SNRPN: variants seen among roughly 807,000 people sequenced by gnomAD.
The protein encoded by SNRPN is small nuclear ribonucleoprotein polypeptide N.
A neutral mutation model predicts 25.2 loss-of-function variants in SNRPN; 7 were observed. That is an observed-to-expected ratio of 0.28 (90% CI 0.16 to 0.52). The LOEUF is 0.52. Ranked by LOEUF, SNRPN falls within the 20% of genes least tolerant of loss-of-function variation. The pLI is 0.96. For missense variants in SNRPN, 196 were observed against 322.5 expected (o/e 0.61, Z 3.00); for synonymous variants, 124 against 110.6 (o/e 1.12, Z -0.76).
intron 2 of SNRPN, among the ~76,000 whole-genome samples, chr15:24,842,939 A>G (rs145546227): frequency 1.3e-5 from 2 of 152,348 alleles, no homozygotes; most frequent in African/African-American, 4.8e-5. Flanking sequence ...ACAGAATGTC[A>G]TATAAATGAA....
At chr15:24,899,877 C>A (rs77146313) in intron 2 of SNRPN, among the ~76,000 whole-genome samples, 2,508 of 152,284 alleles carry the variant, frequency 0.016, 37 homozygotes, top group South Asian at 0.08. Context: ...CCTGATTGGA[C>A]CCTCACTGAA....
chr15:24,833,087 A>G, intron 2 of SNRPN, among the ~76,000 whole-genome samples: 1 of 132,540 alleles, frequency 7.5e-6, no homozygotes, highest in South Asian at 2.7e-4. Flanking sequence ...CCTGGGCGAC[A>G]GAGCGAGACT....
chr15:24,969,437 G>A (rs550997680), intron 3 of SNRPN, among the ~76,000 whole-genome samples: 21 of 152,200 alleles, frequency 1.4e-4, no homozygotes. Flanking sequence ...CCCATTTTGA[G>A]TTTAAATCAA....
upstream of SNRPN, among the ~76,000 whole-genome samples, chr15:24,856,279 G>A (rs1192393619): frequency 6.6e-6 from 1 of 152,036 alleles, no homozygotes; most frequent in East Asian, 1.9e-4. Context: ...TGACACTTAG[G>A]TCTTTAATGT....
intron 1 of SNRPN, among the ~76,000 whole-genome samples, chr15:24,857,794 G>C (rs558201867): frequency 1.3e-5 from 2 of 152,262 alleles, no homozygotes; most frequent in East Asian, 1.9e-4. Context: ...AATTCACCCA[G>C]AGCCGGCTGT....
At chr15:24,963,599 A>C (rs1431418975) in intron 2 of SNRPN, among the ~76,000 whole-genome samples, 1 of 151,350 alleles carries the variant, frequency 6.6e-6, no homozygotes, top group East Asian at 1.9e-4. Context: ...TGGGTGACAG[A>C]GCAAGACTCC....
chr15:24,891,292 TTAAAA>T (rs1178098769), intron 2 of SNRPN, among the ~76,000 whole-genome samples: 1 of 152,174 alleles, frequency 6.6e-6, no homozygotes, highest in Non-Finnish European at 1.5e-5. Context: ...TTATGTGAAC[TTAAAA>T]TAATATTCGG....
chr15:24,852,115 T>A (rs2052908434), upstream of SNRPN: 1 of 152,234 alleles, frequency 6.6e-6, no homozygotes, highest in Non-Finnish European at 1.5e-5. Context: ...TTATGAAGAT[T>A]AGTGTCTCCT....
At chr15:24,910,207 G>A (rs779558739) in intron 2 of SNRPN, among the ~76,000 whole-genome samples, 3 of 152,190 alleles carry the variant, frequency 2.0e-5, no homozygotes, top group Non-Finnish European at 4.4e-5. Context: ...TAAGAGCGAT[G>A]AACTAGGACA....
At position 24,944,639 on chromosome 15, in the gene SNRPN, C is replaced by A. The variant is rs564768192; in HGVS notation, c.-390-17475C>A. Among the ~76,000 whole-genome samples, 201 of 152,310 alleles carry A rather than the reference C, an allele frequency of 1.3e-3. 1 individual carries two copies. Among genetic ancestry groups the A allele is most frequent in the African/African-American group, 4.6e-3 (193 of 41,564 alleles). ...CCAATTTCAGAAACCAACCCCAGAA[C>A]TAATTCAGAAAATTTATTCTTAAGA... On this transcript the variant is annotated intron_variant, in intron 3 of 11. Transcript: ENST00000400097.
At chr15:24,880,899 A>G (rs1334560247) in intron 1 of SNRPN, among the ~76,000 whole-genome samples, 2 of 151,998 alleles carry the variant, frequency 1.3e-5, no homozygotes. Flanking sequence ...CTGGTCTCGA[A>G]CTTCTGGGCT....
intron 1 of SNRPN, among the ~76,000 whole-genome samples, chr15:24,870,489 C>T (rs759243567): frequency 4.6e-5 from 7 of 152,186 alleles, no homozygotes; most frequent in Non-Finnish European, 8.8e-5. Flanking sequence ...CCCATTCCCA[C>T]TACTTGGTTG....
At chr15:24,963,334 A>G (rs2075131314) in intron 2 of SNRPN, among the ~76,000 whole-genome samples, 1 of 152,222 alleles carries the variant, frequency 6.6e-6, no homozygotes, top group Non-Finnish European at 1.5e-5. Context: ...AACGCAGTGT[A>G]GGCCAGGCAT....
intron 2 of SNRPN, among the ~76,000 whole-genome samples, chr15:24,845,364 A>C (rs181112199): frequency 6.6e-6 from 1 of 152,288 alleles, no homozygotes; most frequent in Admixed American, 6.5e-5. Context: ...TTGGGAGGCC[A>C]AGGCAGGCAG....
rs35146696 is a variant in SNRPN, at chr15:24,967,808, G to GAA, written c.-294-105_-294-104dup. ...GGGCAACAGAATGAGACCCTGTCTG[G>GAA]AAAAAAAAAAAAAAAAAAAAGGAAT... On this transcript the variant is annotated intron_variant, in intron 2 of 9. Transcript: ENST00000390687. 7.9e-3 allele frequency: 3,828 copies of GAA among 487,464 alleles called. 1 individual carries two copies. Among genetic ancestry groups the GAA allele is most frequent in the South Asian group, 9.2e-3 (446 of 48,450 alleles). The allele number at this position is 487,464 out of a possible 1,614,324, so 30.2% of individuals were successfully genotyped here.
At chr15:24,943,853 G>T (rs186766816) in intron 3 of SNRPN, among the ~76,000 whole-genome samples, 37 of 151,606 alleles carry the variant, frequency 2.4e-4, no homozygotes, top group Non-Finnish European at 4.3e-4. Flanking sequence ...ACAGGGTCTC[G>T]CCCTGTTTCC....
chr15:24,922,181 C>T (rs2060069033), intron 3 of SNRPN, among the ~76,000 whole-genome samples: 1 of 152,082 alleles, frequency 6.6e-6, no homozygotes, highest in Non-Finnish European at 1.5e-5. Flanking sequence ...CCATTGCACT[C>T]TAGCATGGGC....
rs1566921436 is a variant in SNRPN at position 24,927,475 on chromosome 15, A to AT, written c.-391+7351_-391+7352insT. Among the ~76,000 whole-genome samples, 308 of 113,294 alleles carry AT rather than the reference A, an allele frequency of 2.7e-3. 46 individuals are homozygous for AT. Among genetic ancestry groups the AT allele is most frequent in the Middle Eastern group, 5.0e-3 (1 of 202 alleles). The allele number at this position is 113,294 out of a possible 152,430, so 74.3% of individuals were successfully genotyped here. On this transcript the variant is annotated intron_variant, in intron 3 of 11. Transcript: ENST00000400097. ...TTTCCCACTGCTTATAAAGTTTTTA[A>AT]ATTTTTTTTTTTTTTTTTTTTTTTT...
Position 24,909,641 on chromosome 15 carries a change from A to T in SNRPN, c.-504-10370A>T, listed in dbSNP as rs1280374410. On this transcript the variant is annotated intron_variant, in intron 2 of 11. Coordinates refer to the SNRPN transcript ENST00000400097. ...TATATGGGCATAAGCAATCTGACAAATGATATCTCTGTTTGTTACACGAAC... is the reference window on the plus strand; with the variant it reads ...TATATGGGCATAAGCAATCTGACAATTGATATCTCTGTTTGTTACACGAAC... 9 of 1,235,514 alleles carry T rather than the reference A, an allele frequency of 7.3e-6. No homozygotes were observed. The African/African-American group carries it at 1.3e-4, about 18-fold the overall frequency. 76.5% of individuals were successfully genotyped at this position (1,235,514 alleles called of 1,614,324 possible). A position where few individuals can be genotyped will look rare whatever the true frequency, so the allele number is the denominator to read the frequency against.
Sources: gnomAD v4.1 joint callset for allele counts (sites outside exome capture counted in the v4.1 genomes callset) on GRCh38, gnomAD v4.1.1 for gene constraint, MANE v1.5 for transcripts, NCBI Gene and HGNC (gene_info 2026-07-23, HGNC 2026-07-21) for gene names.